The following PRR16 variants were observed in gnomAD, a reference collection of about 807,000 sequenced individuals.
PRR16 encodes the protein protein Largen.
A neutral mutation model predicts 18.2 loss-of-function variants in PRR16; 6 were observed. The ratio of observed to expected loss-of-function variants is 0.33; its 90% CI spans 0.18 to 0.65. PRR16 has a LOEUF of 0.65. Among genes scored for constraint, PRR16 ranks in the 30% least tolerant of loss-of-function variants. PRR16 has a pLI of 0.74. For synonymous variants in PRR16, 151 were observed against 147.8 expected (o/e 1.02, Z -0.16); for missense variants, 412 against 376.6 (o/e 1.09, Z -0.78).
At chr5:120,663,998 T>TA (rs1367905173) in intron 1 of PRR16, among the ~76,000 whole-genome samples, 2 of 152,116 alleles carry the variant, frequency 1.3e-5, no homozygotes, top group Admixed American at 6.6e-5. Flanking sequence ...AGTTAATGTG[T>TA]AAAAAACTGG....
intron 1 of PRR16, among the ~76,000 whole-genome samples, chr5:120,490,208 G>T (rs1395354431): frequency 1.3e-5 from 2 of 152,174 alleles, no homozygotes; most frequent in African/African-American, 4.8e-5. Context: ...TGCCTTGCTA[G>T]ATTGGGGAAG....
At chr5:120,638,531 A>G (rs1353600923) in intron 1 of PRR16, among the ~76,000 whole-genome samples, 1 of 152,124 alleles carries the variant, frequency 6.6e-6, no homozygotes, top group Non-Finnish European at 1.5e-5. Flanking sequence ...TAACAAGGTC[A>G]TGAGATTCTA....
At chr5:120,524,145 C>T (rs1417761672) in intron 1 of PRR16, among the ~76,000 whole-genome samples, 2 of 152,136 alleles carry the variant, frequency 1.3e-5, no homozygotes, top group East Asian at 3.8e-4. Context: ...CACATAGCAG[C>T]TGGAACCAGG....
intron 1 of PRR16, among the ~76,000 whole-genome samples, chr5:120,628,009 T>C (rs1754923803): frequency 6.6e-6 from 1 of 152,140 alleles, no homozygotes; most frequent in Non-Finnish European, 1.5e-5. Context: ...GTCCTTACTC[T>C]GGTGAATGTA....
At chr5:120,492,003 A>C (rs115716973) in intron 1 of PRR16, among the ~76,000 whole-genome samples, 105 of 152,278 alleles carry the variant, frequency 6.9e-4, no homozygotes, top group African/African-American at 2.5e-3. Context: ...TTACCAATAT[A>C]AATATTATTA....
chr5:120,645,195 T>C (rs1309184366), intron 1 of PRR16, among the ~76,000 whole-genome samples: 2 of 152,070 alleles, frequency 1.3e-5, no homozygotes, highest in Non-Finnish European at 2.9e-5. Flanking sequence ...ATTGAGTAAA[T>C]ACTTTCTTCT....
At chr5:120,699,133 C>T in the PRR16 span, among the ~76,000 whole-genome samples, 1 of 151,738 alleles carries the variant, frequency 6.6e-6, no homozygotes, top group East Asian at 1.9e-4. Flanking sequence ...AATCCTCGAG[C>T]TTGATGTGTA....
chr5:120,494,955 C>T (rs1750194422), intron 1 of PRR16, among the ~76,000 whole-genome samples: 1 of 152,044 alleles, frequency 6.6e-6, no homozygotes, highest in South Asian at 2.1e-4. Flanking sequence ...GTGTGTCTGT[C>T]CTTCTGCTGT....
chr5:120,751,776 T>C, the PRR16 span, among the ~76,000 whole-genome samples: 1 of 152,130 alleles, frequency 6.6e-6, no homozygotes, highest in African/African-American at 2.4e-5. Context: ...CTCATTTCAC[T>C]ATCAGGACAT....
chr5:120,545,963 G>T (rs1368313793), intron 1 of PRR16, among the ~76,000 whole-genome samples: 1 of 151,962 alleles, frequency 6.6e-6, no homozygotes, highest in African/African-American at 2.4e-5. Flanking sequence ...GTTAGGTGAT[G>T]GTATGGCCTT....
chr5:120,575,485 A>G (rs1444245889), intron 1 of PRR16, among the ~76,000 whole-genome samples: 2 of 152,186 alleles, frequency 1.3e-5, no homozygotes, highest in Non-Finnish European at 2.9e-5. Flanking sequence ...AATCCCAAGG[A>G]TGCAAAGTTT....
chr5:120,738,722 G>C, the PRR16 span, among the ~76,000 whole-genome samples: 1 of 152,080 alleles, frequency 6.6e-6, no homozygotes, highest in Admixed American at 6.6e-5. Context: ...TTTGTGTACC[G>C]ACTTGATTGG....
At chr5:120,752,983 A>G in the PRR16 span, among the ~76,000 whole-genome samples, 9 of 5,894 alleles carry the variant, frequency 1.5e-3, no homozygotes, top group African/African-American at 1.6e-3. Flanking sequence ...GGATAATATT[A>G]TTGATGTCAA....
chr5:120,735,574 A>G, the PRR16 span, among the ~76,000 whole-genome samples: 2 of 152,176 alleles, frequency 1.3e-5, no homozygotes, highest in Non-Finnish European at 2.9e-5. Context: ...ATTAGTGATC[A>G]TGAGCATCTT....
At chr5:120,786,624 A>G in the PRR16 span, among the ~76,000 whole-genome samples, 1 of 150,282 alleles carries the variant, frequency 6.7e-6, no homozygotes, top group East Asian at 1.9e-4. Flanking sequence ...ATATAAATAT[A>G]GATTATAAAG....
chr5:120,556,285 A>G (rs1229174), intron 1 of PRR16, among the ~76,000 whole-genome samples: 1 of 147,954 alleles, frequency 6.8e-6, no homozygotes, highest in Non-Finnish European at 1.5e-5. Flanking sequence ...ACATTAAGCA[A>G]TTTACAAAAC....
chr5:120,501,758 C>A (rs1280813782), intron 1 of PRR16, among the ~76,000 whole-genome samples: 1 of 151,618 alleles, frequency 6.6e-6, no homozygotes, highest in African/African-American at 2.4e-5. Flanking sequence ...AGACTGAGAC[C>A]ATCCTGGCTA....
chr5:120,492,250 ATT>A (rs1260792016), intron 1 of PRR16, among the ~76,000 whole-genome samples: 1 of 93,536 alleles, frequency 1.1e-5, no homozygotes, highest in African/African-American at 3.9e-5. Context: ...ATGCCCGCTA[ATT>A]TGAGTGTGTG....
At chr5:120,533,788 G>C (rs1751627736) in intron 1 of PRR16, among the ~76,000 whole-genome samples, 1 of 152,188 alleles carries the variant, frequency 6.6e-6, no homozygotes, top group African/African-American at 2.4e-5. Context: ...TTTTCTCTGA[G>C]TGAAATAGGA....
Sources: gnomAD v4.1 joint callset for allele counts (sites outside exome capture counted in the v4.1 genomes callset) on GRCh38, gnomAD v4.1.1 for gene constraint, MANE v1.5 for transcripts, NCBI Gene and HGNC (gene_info 2026-07-23, HGNC 2026-07-21) for gene names.